The following SLC25A21 variants were observed in gnomAD, a reference collection of about 807,000 sequenced individuals.
The protein encoded by SLC25A21 is mitochondrial 2-oxodicarboxylate carrier.
Under a neutral mutation model 43.8 loss-of-function variants are expected in SLC25A21, and 47 were observed. That is an observed-to-expected ratio of 1.07 (90% CI 0.85 to 1.37). SLC25A21 has a LOEUF of 1.37. Ranked by LOEUF, SLC25A21 falls within the 40% of genes most tolerant of loss-of-function variation. The pLI is 0.00. For synonymous variants in SLC25A21, 131 were observed against 121.3 expected, an observed-to-expected ratio of 1.08 and a Z score of -0.52; for missense variants, 352 against 350.2, an observed-to-expected ratio of 1.00 and a Z score of -0.04.
intron 1 of SLC25A21, among the ~76,000 whole-genome samples, chr14:37,041,749 T>C (rs962983497): frequency 9.2e-5 from 14 of 152,146 alleles, no homozygotes; most frequent in Admixed American, 7.9e-4. Context: ...AGACAGAACA[T>C]CTTGCTGTTT....
chr14:36,853,192 A>G (rs897416044), intron 2 of SLC25A21, among the ~76,000 whole-genome samples: 1 of 152,252 alleles, frequency 6.6e-6, no homozygotes, highest in Non-Finnish European at 1.5e-5. Context: ...TGAATCACAT[A>G]TGCTAGATAA....
At chr14:36,918,117 T>C (rs1326693759) in intron 1 of SLC25A21, among the ~76,000 whole-genome samples, 1 of 152,160 alleles carries the variant, frequency 6.6e-6, no homozygotes, top group Non-Finnish European at 1.5e-5. Context: ...TAAAAAGGAA[T>C]ATAAAATGGA....
At chr14:36,883,029 T>C (rs1408199973) in intron 1 of SLC25A21, among the ~76,000 whole-genome samples, 2 of 152,252 alleles carry the variant, frequency 1.3e-5, no homozygotes, top group African/African-American at 4.8e-5. Flanking sequence ...AGATCAATGG[T>C]AGCAGGCCCT....
At chr14:36,816,786 G>A (rs985327508) in intron 2 of SLC25A21, among the ~76,000 whole-genome samples, 1 of 152,152 alleles carries the variant, frequency 6.6e-6, no homozygotes, top group Non-Finnish European at 1.5e-5. Flanking sequence ...TTGCAGGCAT[G>A]AGCCACTACC....
At chr14:37,094,503 C>G (rs554861096) in intron 1 of SLC25A21, among the ~76,000 whole-genome samples, 2 of 152,274 alleles carry the variant, frequency 1.3e-5, no homozygotes, top group African/African-American at 4.8e-5. Flanking sequence ...TTGGAAGTAT[C>G]TGTCAAAATG....
intron 1 of SLC25A21, among the ~76,000 whole-genome samples, chr14:37,019,207 T>C (rs1318587386): frequency 6.6e-6 from 1 of 151,952 alleles, no homozygotes; most frequent in East Asian, 1.9e-4. Context: ...CCTTGATTAC[T>C]ATACTTCAGC....
intron 3 of SLC25A21, among the ~76,000 whole-genome samples, chr14:36,773,596 G>T (rs1392779285): frequency 6.6e-6 from 1 of 152,188 alleles, no homozygotes; most frequent in African/African-American, 2.4e-5. Flanking sequence ...AAATCTTGTT[G>T]TGTTGACAAA....
intron 1 of SLC25A21, among the ~76,000 whole-genome samples, chr14:37,084,570 T>C (rs181732668): frequency 1.3e-5 from 2 of 152,380 alleles, no homozygotes; most frequent in South Asian, 2.1e-4. Context: ...TACCAAAATA[T>C]GTTGTTATTT....
intron 1 of SLC25A21, among the ~76,000 whole-genome samples, chr14:37,141,646 C>T (rs547194729): frequency 2.6e-5 from 4 of 152,194 alleles, no homozygotes; most frequent in East Asian, 3.9e-4. Context: ...TACTTTACTA[C>T]GTAAATGTTA....
chr14:36,793,625 A>G (rs559306193), intron 3 of SLC25A21, among the ~76,000 whole-genome samples: 1 of 152,078 alleles, frequency 6.6e-6, no homozygotes, highest in South Asian at 2.1e-4. Flanking sequence ...CAAGCACATG[A>G]TGAACCCAAA....
chr14:36,754,569 TAAG>T (rs1231158211), intron 3 of SLC25A21, among the ~76,000 whole-genome samples: 1 of 152,172 alleles, frequency 6.6e-6, no homozygotes, highest in Admixed American at 6.5e-5. Flanking sequence ...TCTACATAGT[TAAG>T]AAGTAATTGA....
intron 2 of SLC25A21, among the ~76,000 whole-genome samples, chr14:36,821,760 C>T (rs957703533): frequency 1.3e-5 from 2 of 152,178 alleles, no homozygotes; most frequent in East Asian, 1.9e-4. Context: ...GAGGTTGCAG[C>T]GAGCAGAGAT....
At chr14:36,682,906 T>A (rs941930921) in intron 9 of SLC25A21, among the ~76,000 whole-genome samples, 2 of 152,184 alleles carry the variant, frequency 1.3e-5, no homozygotes, top group African/African-American at 4.8e-5. Flanking sequence ...CTATCTTAGA[T>A]TAATAGAAAT....
intron 2 of SLC25A21, among the ~76,000 whole-genome samples, chr14:36,822,723 A>C (rs1016781661): frequency 7.2e-5 from 11 of 152,234 alleles, no homozygotes; most frequent in Non-Finnish European, 1.0e-4. Context: ...ATCTCTCTGA[A>C]ATATCAGATC....
chr14:37,167,072 A>T lies in SLC25A21; in HGVS notation c.70+5209T>A, dbSNP rs148144758. 1.9e-4 allele frequency among the ~76,000 whole-genome samples: 29 copies of T among 152,336 alleles called. No homozygotes were observed. In the East Asian group the frequency reaches 5.2e-3, roughly 27 times the overall value. ...AATAAAGGTGTAAAGTACTGGTAAC[A>T]GTCAAGAATTGCCGGCAGACCTGTT... On this transcript the variant is annotated intron_variant, in intron 1 of 9. Coordinates refer to ENST00000331299, the MANE Select transcript of SLC25A21 (RefSeq NM_030631.4).
intron 1 of SLC25A21, among the ~76,000 whole-genome samples, chr14:36,907,156 A>G (rs1251505786): frequency 2.0e-5 from 3 of 152,200 alleles, no homozygotes; most frequent in Non-Finnish European, 4.4e-5. Context: ...AAAATCAATA[A>G]GGACCTACCT....
intron 1 of SLC25A21, among the ~76,000 whole-genome samples, chr14:36,931,206 A>G (rs915056544): frequency 2.0e-5 from 3 of 152,162 alleles, no homozygotes; most frequent in African/African-American, 7.2e-5. Context: ...TAATATTTGC[A>G]TTGATGTGAT....
chr14:36,779,828 G>C (rs967642531), intron 3 of SLC25A21, among the ~76,000 whole-genome samples: 5 of 151,394 alleles, frequency 3.3e-5, no homozygotes, highest in African/African-American at 9.7e-5. Flanking sequence ...TGGGATTTCT[G>C]GATACCATGG....
chr14:36,896,906 C>T (rs1294737188), intron 1 of SLC25A21, among the ~76,000 whole-genome samples: 1 of 152,182 alleles, frequency 6.6e-6, no homozygotes, highest in East Asian at 1.9e-4. Flanking sequence ...GCCAAGAGAT[C>T]AGCTGTTAGT....
Sources: allele counts gnomAD v4.1 joint callset (sites outside exome capture counted in the v4.1 genomes callset), GRCh38; gene constraint gnomAD v4.1.1; transcripts MANE v1.5; gene names NCBI Gene and HGNC (gene_info 2026-07-23, HGNC 2026-07-21).